KCNIP4: variants seen among roughly 807,000 people sequenced by gnomAD.
The protein encoded by KCNIP4 is potassium voltage-gated channel interacting protein 4.
A neutral mutation model predicts 34.0 loss-of-function variants in KCNIP4; 12 were observed. The ratio of observed to expected loss-of-function variants is 0.35; its 90% CI spans 0.23 to 0.57. The LOEUF is 0.57. Among genes scored for constraint, KCNIP4 ranks in the 20% least tolerant of loss-of-function variants. The pLI is 0.83. For synonymous variants in KCNIP4, 124 were observed against 102.2 expected, an observed-to-expected ratio of 1.21 and a Z score of -1.29; for missense variants, 238 against 311.7, an observed-to-expected ratio of 0.76 and a Z score of 1.78.
intron 1 of KCNIP4, among the ~76,000 whole-genome samples, chr4:21,606,412 C>T (rs775828105): frequency 2.0e-5 from 3 of 152,148 alleles, no homozygotes; most frequent in Non-Finnish European, 4.4e-5. Context: ...GCTGCTGTAC[C>T]GAATTACCAC....
At chr4:20,864,328 ATATG>A (rs1722638010) in intron 2 of KCNIP4, among the ~76,000 whole-genome samples, 1 of 150,376 alleles carries the variant, frequency 6.6e-6, no homozygotes, top group South Asian at 2.1e-4. Context: ...GTTTATATGC[ATATG>A]TATGTAAACA....
intron 1 of KCNIP4, chr4:21,851,996 ATGTGTG>A (rs930861529): frequency 5.6e-3 from 59 of 10,594 alleles, no homozygotes; most frequent in African/African-American, 6.0e-3. Flanking sequence ...TTCAATTAAT[ATGTGTG>A]TGTGTGTGTG....
Position 20,878,381 on chromosome 4 carries a change from T to C in KCNIP4, c.163+4227A>G, listed in dbSNP as rs575433866. On this transcript the variant is annotated intron_variant, in intron 2 of 8. Coordinates refer to ENST00000382152, the MANE Select transcript of KCNIP4 (RefSeq NM_025221.6). ...GGACACTCTCTCCAGACCTTCACAT[T>C]ACTGGCTTTCCTTTTATTTTAAGGA... 1.4e-4 allele frequency among the ~76,000 whole-genome samples: 21 copies of C among 152,306 alleles called. No homozygotes were observed. In the South Asian group the frequency reaches 4.4e-3, roughly 32 times the overall value.
At chr4:20,740,548 C>T (rs1283250031) in intron 5 of KCNIP4, among the ~76,000 whole-genome samples, 1 of 152,178 alleles carries the variant, frequency 6.6e-6, no homozygotes, top group Non-Finnish European at 1.5e-5. Context: ...ACCGCCAGGC[C>T]TGCCTTACAA....
chr4:21,666,185 T>G (rs1225108095), intron 1 of KCNIP4, among the ~76,000 whole-genome samples: 1 of 152,318 alleles, frequency 6.6e-6, no homozygotes, highest in South Asian at 2.1e-4. Context: ...CTTTGTTCCT[T>G]TTTAAAAGAT....
At chr4:21,299,644 ACT>A (rs1481390562) in intron 1 of KCNIP4, among the ~76,000 whole-genome samples, 13 of 152,068 alleles carry the variant, frequency 8.5e-5, no homozygotes, top group Non-Finnish European at 1.3e-4. Flanking sequence ...TTAGAACAAG[ACT>A]CTGTGAATTT....
chr4:20,877,228 G>GT (rs1325202097), intron 2 of KCNIP4, among the ~76,000 whole-genome samples: 1 of 152,102 alleles, frequency 6.6e-6, no homozygotes, highest in Non-Finnish European at 1.5e-5. Context: ...CTTTTTTATT[G>GT]TTACAGCTAT....
chr4:21,488,464 T>C (rs1307559523), intron 1 of KCNIP4, among the ~76,000 whole-genome samples: 2 of 152,124 alleles, frequency 1.3e-5, no homozygotes, highest in East Asian at 3.9e-4. Flanking sequence ...GGGAGAAATT[T>C]TGTAGGAAAA....
intron 3 of KCNIP4, among the ~76,000 whole-genome samples, chr4:20,848,816 A>T (rs10805220): frequency 6.6e-5 from 10 of 151,954 alleles, no homozygotes; most frequent in African/African-American, 2.2e-4. Flanking sequence ...AGAAAAAAAA[A>T]GTCTGCTTAT....
intron 3 of KCNIP4, among the ~76,000 whole-genome samples, chr4:20,797,952 G>T (rs1235058324): frequency 1.3e-5 from 2 of 152,178 alleles, no homozygotes; most frequent in Non-Finnish European, 2.9e-5. Flanking sequence ...CTACACAATT[G>T]TTAGCTAGTA....
chr4:21,590,806 G>C (rs1196173954), intron 1 of KCNIP4, among the ~76,000 whole-genome samples: 3 of 151,994 alleles, frequency 2.0e-5, no homozygotes, highest in East Asian at 3.9e-4. Flanking sequence ...GTATCAGTAA[G>C]GCTATGCTTA....
intron 1 of KCNIP4, among the ~76,000 whole-genome samples, chr4:21,675,372 C>T (rs1291495867): frequency 6.6e-6 from 1 of 152,030 alleles, no homozygotes; most frequent in African/African-American, 2.4e-5. Flanking sequence ...ATAAGACCTA[C>T]TATTTGATAG....
chr4:21,100,870 C>A (rs1047781035), intron 1 of KCNIP4, among the ~76,000 whole-genome samples: 4 of 152,010 alleles, frequency 2.6e-5, no homozygotes, highest in African/African-American at 7.2e-5. Flanking sequence ...AGGAGCTGAA[C>A]CTGCAATATG....
chr4:21,913,348 T>C (rs998154437), intron 1 of KCNIP4, among the ~76,000 whole-genome samples: 1 of 143,500 alleles, frequency 7.0e-6, no homozygotes, highest in African/African-American at 2.5e-5. Flanking sequence ...TGTATTTTGT[T>C]TTTTTTTTCT....
chr4:20,794,688 T>C (rs190764233), intron 3 of KCNIP4, among the ~76,000 whole-genome samples: 1,839 of 152,316 alleles, frequency 0.012, 21 homozygotes, highest in South Asian at 0.02. Flanking sequence ...AGTGAAGTTC[T>C]ATTTCTCGAT....
chr4:20,739,454 G>T (rs1185509377), intron 5 of KCNIP4, among the ~76,000 whole-genome samples: 1 of 152,312 alleles, frequency 6.6e-6, no homozygotes, highest in Non-Finnish European at 1.5e-5. Flanking sequence ...GGCAAACAGG[G>T]TCTGGAGTGG....
At chr4:21,071,783 C>T (rs997439270) in intron 1 of KCNIP4, among the ~76,000 whole-genome samples, 1 of 152,114 alleles carries the variant, frequency 6.6e-6, no homozygotes, top group Admixed American at 6.6e-5. Flanking sequence ...CTAATGCTTT[C>T]CATCGTCCCT....
chr4:21,834,310 C>G (rs559671882), intron 1 of KCNIP4, among the ~76,000 whole-genome samples: 1 of 152,284 alleles, frequency 6.6e-6, no homozygotes, highest in South Asian at 2.1e-4. Flanking sequence ...TCCTTCACAT[C>G]CCTTGTAAGT....
chr4:21,587,242 C>A (rs557463742), intron 1 of KCNIP4, among the ~76,000 whole-genome samples: 1 of 151,990 alleles, frequency 6.6e-6, no homozygotes, highest in Non-Finnish European at 1.5e-5. Flanking sequence ...TTTGTGGATG[C>A]CACACAGCCA....
Sources: gnomAD v4.1 joint callset for allele counts (sites outside exome capture counted in the v4.1 genomes callset) on GRCh38, gnomAD v4.1.1 for gene constraint, MANE v1.5 for transcripts, NCBI Gene and HGNC (gene_info 2026-07-23, HGNC 2026-07-21) for gene names.